Variants in SHPK observed in about 807,000 individuals in gnomAD.
The protein encoded by SHPK is sedoheptulokinase.
Under a neutral mutation model 46.3 loss-of-function variants are expected in SHPK, and 51 were observed. The ratio of observed to expected loss-of-function variants is 1.10; its 90% confidence interval spans 0.88 to 1.39. The LOEUF is 1.39. Among genes scored for constraint, SHPK ranks in the 40% most tolerant of loss-of-function variants. The probability of loss-of-function intolerance (pLI) is 0.00; values close to 1 mark genes in which losing one functional copy is unlikely to be tolerated. For synonymous variants in SHPK, 290 were observed against 273.9 expected (o/e 1.06, Z -0.58); for missense variants, 668 against 641.3 (o/e 1.04, Z -0.45).
At chr17:3,635,236 A>AGGGAGGGAGGGAAGGAAGGAAG (rs201286088) in intron 1 of SHPK, among the ~76,000 whole-genome samples, 1 of 132,356 alleles carries the variant, frequency 7.6e-6, no homozygotes, top group Non-Finnish European at 1.7e-5. Flanking sequence ...GAAGGAAGGA[A>AGGGAGGGAGGGAAGGAAGGAAG]GGAAGGAAGG....
chr17:3,618,306 C>A (rs2075379650), intron 5 of SHPK, among the ~76,000 whole-genome samples: 1 of 151,942 alleles, frequency 6.6e-6, no homozygotes, highest in African/African-American at 2.4e-5. Flanking sequence ...GGGTTTTCAC[C>A]ATCTTGGCCA....
At chr17:3,633,139 C>T (rs982639385) in intron 1 of SHPK, among the ~76,000 whole-genome samples, 9 of 151,552 alleles carry the variant, frequency 5.9e-5, no homozygotes, top group African/African-American at 1.5e-4. Context: ...TCACCACGCC[C>T]GGCTAATTTT....
Position 3,621,338 on chromosome 17 carries a change from G to A in SHPK, c.722C>T (p.Ser241Phe). Residue 241 changes from serine to phenylalanine, a missense_variant, in exon 5 of 7, where the codon TCC (serine) becomes TTC (phenylalanine). Ser to Phe is a radical substitution (Grantham distance 155, BLOSUM62 -2). Coordinates refer to ENST00000225519, the MANE Select transcript of SHPK (RefSeq NM_013276.4). The part of the protein sequence containing the change: ...AEPGSVAGRT[S>F]HMWFEIPKGT... ...CTTTGGGATTTCAAACCACATGTGG[G>A]AAGTTCTGCCCGCCACACTGCCAGG... is the stretch of plus-strand genomic sequence containing the variant. 6.2e-7 allele frequency: 1 copy of A among 1,614,136 alleles called. No individual in the cohort carries two copies. The highest frequency in any genetic ancestry group is 8.5e-7 in the Non-Finnish European group (1 of 1,180,012).
At chr17:3,619,333 T>G in intron 5 of SHPK, 59 of 1,210,142 alleles carry the variant, frequency 4.9e-5, no homozygotes, top group Non-Finnish European at 6.8e-5. Flanking sequence ...TTACGTGAGG[T>G]GAGAGTTATC....
chr17:3,626,206 CT>C (rs1567685556), intron 2 of SHPK, among the ~76,000 whole-genome samples: 1 of 152,264 alleles, frequency 6.6e-6, no homozygotes, highest in South Asian at 2.1e-4. Flanking sequence ...CTTTGAAATC[CT>C]TAAAAGTTCA....
intron 5 of SHPK, among the ~76,000 whole-genome samples, chr17:3,618,432 C>G (rs576057207): frequency 6.6e-6 from 1 of 152,150 alleles, no homozygotes; most frequent in Non-Finnish European, 1.5e-5. Flanking sequence ...TTTAAATGTA[C>G]TTCTTCTATC....
chr17:3,629,528 G>A (rs2150874538), intron 2 of SHPK, among the ~76,000 whole-genome samples: 1 of 152,168 alleles, frequency 6.6e-6, no homozygotes, highest in Middle Eastern at 3.4e-3. Flanking sequence ...AGGAGTTCGA[G>A]ACCAGCCTGG....
At chr17:3,615,200 A>AAATATGCCAG (rs2075364815) in intron 6 of SHPK, 137 bp downstream of exon 6, 1 of 761,998 alleles carries the variant, frequency 1.3e-6, no homozygotes, top group African/African-American at 1.7e-5. Flanking sequence ...AGGATGGGAG[A>AAATATGCCAG]AATATGCCAG....
intron 6 of SHPK, among the ~76,000 whole-genome samples, chr17:3,612,812 C>T (rs994824383): frequency 3.3e-5 from 5 of 149,990 alleles, no homozygotes; most frequent in African/African-American, 4.9e-5. Flanking sequence ...AGTGCAGTGG[C>T]GCGATCTCGG....
In SHPK at chr17:3,609,796, T is replaced by C. The variant is rs933143112; in HGVS notation, c.*764A>G. 1 of 152,506 alleles carries C rather than the reference T, an allele frequency of 6.6e-6. No individual in the cohort carries two copies. The highest frequency in any genetic ancestry group is 2.1e-4 in the South Asian group (1 of 4,830). The allele number at this position is 152,506 out of a possible 1,614,324, so 9.4% of individuals were successfully genotyped here. On this transcript the variant is annotated 3_prime_UTR_variant, in exon 7 of 7. Coordinates refer to ENST00000225519, the MANE Select transcript of SHPK (RefSeq NM_013276.4). ...TGTCAGGTTCTGGAGTGGTGTGAGC[T>C]GCACAGCATCGGTCCCCCTTGCTGC...
Position 3,629,217 on chromosome 17 carries a change from G to A in SHPK, c.310+988C>T, listed in dbSNP as rs150660144. ...CCTCAACCTCTCATCCACACAATGG[G>A]GACAACAGTGTAATCTATGTCACCA... On this transcript the variant is annotated intron_variant, in intron 2 of 6. Coordinates refer to ENST00000225519, the MANE Select transcript of SHPK (RefSeq NM_013276.4). 3.8e-4 allele frequency among the ~76,000 whole-genome samples: 58 copies of A among 152,188 alleles called. No individual in the cohort carries two copies. In the East Asian group the frequency reaches 6.4e-3, roughly 17 times the overall value.
chr17:3,624,945 G>A (rs755708379), intron 2 of SHPK, among the ~76,000 whole-genome samples: 7 of 152,224 alleles, frequency 4.6e-5, no homozygotes, highest in Admixed American at 1.3e-4. Context: ...ATGAGCCACC[G>A]CACCTGGCCC....
intron 6 of SHPK, among the ~76,000 whole-genome samples, chr17:3,612,205 C>T (rs2150866014): frequency 6.6e-6 from 1 of 151,854 alleles, no homozygotes; most frequent in South Asian, 2.1e-4. Flanking sequence ...ACAGGCGGAT[C>T]ACTTGAAGTC....
In SHPK at chr17:3,621,422, A is replaced by G. The variant is rs766287210; in HGVS notation, c.648-10T>C. 1 of 1,612,628 alleles carries G rather than the reference A, an allele frequency of 6.2e-7. No homozygotes were observed. The highest frequency in any genetic ancestry group is 2.2e-5 in the East Asian group (1 of 44,842). On this transcript the variant is annotated splice_polypyrimidine_tract_variant and intron_variant, in intron 4 of 6. Coordinates refer to ENST00000225519, the MANE Select transcript of SHPK (RefSeq NM_013276.4). ...ACCCGAGCTCCTCAGTCTGTAAAAC[A>G]GAAGTGGACACCCACATGGACCCAC...
At chr17:3,622,704 T>TTA in intron 4 of SHPK, 442 of 351,870 alleles carry the variant, frequency 1.3e-3, no homozygotes, top group Middle Eastern at 3.1e-3. Flanking sequence ...TAGTTCTTTT[T>TTA]TCTTTTTTTT....
At chr17:3,620,731 T>G (rs1370756837) in intron 5 of SHPK, among the ~76,000 whole-genome samples, 1 of 151,850 alleles carries the variant, frequency 6.6e-6, no homozygotes. Flanking sequence ...TGGCTAATTT[T>G]GGTATTTTTA....
intron 1 of SHPK, among the ~76,000 whole-genome samples, chr17:3,635,354 G>T (rs1424531049): frequency 1.3e-5 from 2 of 151,738 alleles, no homozygotes; most frequent in African/African-American, 4.8e-5. Flanking sequence ...TCCTGCCTCA[G>T]CCTCCCGAGT....
At chr17:3,629,434 T>C (rs2075456848) in intron 2 of SHPK, among the ~76,000 whole-genome samples, 1 of 151,930 alleles carries the variant, frequency 6.6e-6, no homozygotes. Flanking sequence ...ACTGAACCCA[T>C]AAAAAGGATA....
intron 5 of SHPK, chr17:3,619,398 T>C: frequency 6.4e-7 from 1 of 1,553,562 alleles, no homozygotes; most frequent in Non-Finnish European, 8.9e-7. Context: ...CTTCTCTGCT[T>C]GTAGGGCAAC....
Sources: allele counts gnomAD v4.1 joint callset (sites outside exome capture counted in the v4.1 genomes callset), GRCh38; gene constraint gnomAD v4.1.1; transcripts MANE v1.5; gene names NCBI Gene and HGNC (gene_info 2026-07-23, HGNC 2026-07-21).